AGBL1: variants seen among roughly 807,000 people sequenced by gnomAD.
AGBL1 encodes the protein AGBL carboxypeptidase 1, also known as cytosolic carboxypeptidase 4.
AGBL1 carries 130 observed loss-of-function variants against 118.9 expected under a neutral mutation model. The ratio of observed to expected loss-of-function variants is 1.09; its 90% confidence interval spans 0.95 to 1.26. The LOEUF (loss-of-function observed/expected upper bound fraction) is 1.26, where lower values mean the gene tolerates loss of function less well. AGBL1 is among the 50% of genes most tolerant of loss of function. AGBL1 has a pLI of 0.00. For missense variants in AGBL1, 1,584 were observed against 1,298.1 expected (o/e 1.22, Z -3.38); for synonymous variants, 555 against 478.9 (o/e 1.16, Z -2.08).
At chr15:86,249,335 C>A (rs2078771320) in intron 7 of AGBL1, among the ~76,000 whole-genome samples, 1 of 152,146 alleles carries the variant, frequency 6.6e-6, no homozygotes, top group Non-Finnish European at 1.5e-5. Flanking sequence ...AATGAAGCCA[C>A]CAATGAGAGT....
Position 86,554,504 on chromosome 15 carries a change from C to T in AGBL1, c.2961C>T (p.Ser987=), listed in dbSNP as rs774846834. The T allele has an allele frequency of 5.4e-5, 85 of 1,562,676 alleles. No individual in the cohort carries two copies. Among genetic ancestry groups the T allele is most frequent in the Non-Finnish European group, 6.1e-5 (71 of 1,156,604 alleles). ...TGTCCAGAAGCTACACCATGGAAAG[C>T]AGCTACTGTGGCTGCAACCAGGGCC... ...MGVSRSYTME[S]SYCGCNQGPY... Residue 987 remains serine (S), a synonymous_variant, in exon 21 of 23, where the codon AGC becomes AGT. Transcript: ENST00000614907.
chr15:86,433,260 C>CTTTT (rs2081958846), intron 18 of AGBL1, among the ~76,000 whole-genome samples: 1 of 86,914 alleles, frequency 1.2e-5, no homozygotes, highest in African/African-American at 5.2e-5. Context: ...CCTCCTCCTC[C>CTTTT]TTCTTCTTTT....
At chr15:86,921,147 A>G (rs1163582333), downstream of AGBL1, among the ~76,000 whole-genome samples, 2 of 152,234 alleles carry the variant, frequency 1.3e-5, no homozygotes, top group African/African-American at 4.8e-5. Context: ...AAGTTGGGAC[A>G]TTTCGAAGTA....
At chr15:86,938,471 C>G (rs537330744) in intron 23 of AGBL1, among the ~76,000 whole-genome samples, 2 of 152,264 alleles carry the variant, frequency 1.3e-5, no homozygotes, top group South Asian at 4.2e-4. Context: ...AAGTGTTGTT[C>G]CCTAATGCCT....
chr15:86,843,280 G>A (rs1470692984), intron 22 of AGBL1, among the ~76,000 whole-genome samples: 4 of 152,088 alleles, frequency 2.6e-5, no homozygotes, highest in African/African-American at 9.7e-5. Flanking sequence ...AGAGAGTCAT[G>A]GATGTTCCAG....
At chr15:86,920,340 C>T (rs995578636), downstream of AGBL1, among the ~76,000 whole-genome samples, 1 of 152,212 alleles carries the variant, frequency 6.6e-6, no homozygotes, top group African/African-American at 2.4e-5. Flanking sequence ...CACCACCCCT[C>T]CCTGATGCTT....
chr15:86,829,977 A>G (rs1190307179), intron 22 of AGBL1, among the ~76,000 whole-genome samples: 1 of 152,092 alleles, frequency 6.6e-6, no homozygotes, highest in African/African-American at 2.4e-5. Context: ...CACCCCCAGG[A>G]GGGTATTTAG....
intron 18 of AGBL1, among the ~76,000 whole-genome samples, chr15:86,519,996 C>T (rs1399768038): frequency 6.6e-6 from 1 of 152,202 alleles, no homozygotes; most frequent in Non-Finnish European, 1.5e-5. Flanking sequence ...AGCCTACTGC[C>T]TCTACCCTTA....
At chr15:86,983,765 G>T (rs1297954115) in intron 23 of AGBL1, among the ~76,000 whole-genome samples, 2 of 152,106 alleles carry the variant, frequency 1.3e-5, no homozygotes, top group Non-Finnish European at 2.9e-5. Context: ...CAGTGTTCTA[G>T]AATTTTATAT....
At chr15:86,469,959 A>T (rs954216484) in intron 18 of AGBL1, among the ~76,000 whole-genome samples, 3 of 152,096 alleles carry the variant, frequency 2.0e-5, no homozygotes, top group Non-Finnish European at 4.4e-5. Flanking sequence ...AATTCCTTAT[A>T]TATTTTGGAT....
chr15:86,985,649 G>C lies in AGBL1; in HGVS notation c.3222-2338G>C, dbSNP rs372841299. ...ATTTTTTTTTTATCAGATTTGTGTT[G>C]TGTCAATATTTTCTTCCACTCTGTG... is the stretch of plus-strand genomic sequence containing the variant. On this transcript the variant is annotated intron_variant, in intron 23 of 24. Transcript: ENST00000441037. Among the ~76,000 whole-genome samples, 12 of 151,016 alleles carry C rather than the reference G, an allele frequency of 7.9e-5. No homozygotes were observed. In the South Asian group the frequency reaches 2.3e-3, roughly 29 times the overall value.
At chr15:86,110,097 C>G (rs1269799927) in intron 1 of AGBL1, among the ~76,000 whole-genome samples, 1 of 152,202 alleles carries the variant, frequency 6.6e-6, no homozygotes, top group Non-Finnish European at 1.5e-5. Context: ...TTGAAAGAAT[C>G]CCATGCAAGT....
chr15:86,564,444 T>C (rs1346468392), intron 21 of AGBL1, among the ~76,000 whole-genome samples: 1 of 152,248 alleles, frequency 6.6e-6, no homozygotes, highest in Non-Finnish European at 1.5e-5. Flanking sequence ...TCTTTAAGAA[T>C]GTTGAATGTT....
intron 23 of AGBL1, chr15:86,946,228 G>A (rs564684528): frequency 6.6e-5 from 10 of 152,342 alleles, no homozygotes; most frequent in African/African-American, 2.4e-4. Context: ...CTTTGGAAAA[G>A]TTGTTGAAGA....
chr15:87,029,234 C>T (rs547943402), downstream of AGBL1, among the ~76,000 whole-genome samples: 6 of 151,862 alleles, frequency 4.0e-5, no homozygotes, highest in Non-Finnish European at 7.4e-5. Context: ...CCTCTTTTTT[C>T]GGTTCAAAGA....
chr15:86,505,726 T>C (rs1459551712), intron 18 of AGBL1, among the ~76,000 whole-genome samples: 30 of 152,022 alleles, frequency 2.0e-4, no homozygotes, highest in Non-Finnish European at 5.9e-5. Flanking sequence ...CTTAAACATA[T>C]GCATAATAGC....
intron 24 of AGBL1, among the ~76,000 whole-genome samples, chr15:86,993,517 G>A (rs1424550541): frequency 6.6e-6 from 1 of 152,164 alleles, no homozygotes; most frequent in African/African-American, 2.4e-5. Context: ...GAGCAGTTAT[G>A]GGTGGGGTAG....
At chr15:86,507,313 A>T (rs781684676) in intron 18 of AGBL1, among the ~76,000 whole-genome samples, 1 of 152,154 alleles carries the variant, frequency 6.6e-6, no homozygotes, top group Non-Finnish European at 1.5e-5. Context: ...CTCAAACTGC[A>T]ACTATTCTAA....
chr15:86,434,095 C>T (rs977677527), intron 18 of AGBL1, among the ~76,000 whole-genome samples: 7 of 152,200 alleles, frequency 4.6e-5, no homozygotes, highest in Admixed American at 3.9e-4. Context: ...TTCGATCATT[C>T]ACTTACCTAG....
Sources: gnomAD v4.1 joint callset for allele counts (sites outside exome capture counted in the v4.1 genomes callset) on GRCh38, gnomAD v4.1.1 for gene constraint, MANE v1.5 for transcripts, NCBI Gene and HGNC (gene_info 2026-07-23, HGNC 2026-07-21) for gene names.